Variants in DHRS7C observed in about 807,000 individuals in gnomAD.
DHRS7C encodes the protein dehydrogenase/reductase SDR family member 7C.
A neutral mutation model predicts 29.6 loss-of-function variants in DHRS7C; 28 were observed. The ratio of observed to expected loss-of-function variants is 0.95; its 90% CI spans 0.70 to 1.30. The LOEUF (loss-of-function observed/expected upper bound fraction) is 1.30, where lower values mean the gene tolerates loss of function less well. Ranked by LOEUF, DHRS7C falls within the 50% of genes most tolerant of loss-of-function variation. The pLI is 0.00. For synonymous variants in DHRS7C, 158 were observed against 160.2 expected (o/e 0.99, Z 0.10); for missense variants, 403 against 393.3 (o/e 1.02, Z -0.21).
At chr17:9,784,976 G>T (rs936885268) in intron 1 of DHRS7C, among the ~76,000 whole-genome samples, 1 of 152,220 alleles carries the variant, frequency 6.6e-6, no homozygotes, top group African/African-American at 2.4e-5. Flanking sequence ...ACGCTGGGTT[G>T]TGTGTTTATG....
chr17:9,779,830 G>C lies in DHRS7C; in HGVS notation c.473C>G (p.Thr158Arg), dbSNP rs768887176. The C allele has an allele frequency of 1.9e-6, 3 of 1,611,846 alleles. No individual in the cohort carries two copies. In the South Asian group the frequency reaches 3.3e-5, roughly 18 times the overall value. Reference sequence around the variant, plus strand: ...GAAAGTCAAACTCACGAGACCTTTCGTCAATGTGATGGGGCCAAAGTAATT... The same window carrying C: ...GAAAGTCAAACTCACGAGACCTTTCCTCAATGTGATGGGGCCAAAGTAATT... ...DANYFGPITL[T>R]KALLPNMISR... Residue 158 changes from threonine (T) to arginine (R), a missense_variant, in exon 3 of 6, where the codon ACG becomes AGG. Transcript: ENST00000571134.
At chr17:9,779,798 C>A in intron 3 of DHRS7C, 27 bp downstream of exon 3, 1 of 1,595,794 alleles carries the variant, frequency 6.3e-7, no homozygotes, top group Non-Finnish European at 8.5e-7. Flanking sequence ...GGCCCAGATA[C>A]CCATGGGAAA....
chr17:9,771,673 C>T lies in DHRS7C; in HGVS notation c.751G>A (p.Gly251Ser), dbSNP rs764829676. 7.2e-6 allele frequency: 11 copies of T among 1,522,838 alleles called. No homozygotes were observed. In the East Asian group the frequency reaches 2.0e-4, roughly 27 times the overall value. The allele number at this position is 1,522,838 out of a possible 1,614,324, so 94.3% of individuals were successfully genotyped here. The change falls in exon 6 of 6, where the codon GGC becomes AGC. Residue 251 changes from glycine to serine, a missense_variant. Transcript: ENST00000571134. ...TCCGCCACCTCTACTGGGTGCACGC[C>T]GTAGGTCAGCTTCCTGAAAAAGACT... ...WKFFFRKLTY[G>S]VHPVEVAEEV...
intron 1 of DHRS7C, among the ~76,000 whole-genome samples, chr17:9,785,695 AT>A (rs1419754801): frequency 6.6e-6 from 1 of 152,242 alleles, no homozygotes; most frequent in Non-Finnish European, 1.5e-5. Context: ...TGAAAGGCAC[AT>A]GAAAGTGCCC....
chr17:9,781,520 G>C lies in DHRS7C; in HGVS notation c.229C>G (p.Leu77Val). Reference sequence around the variant, plus strand: ...GCCACGCTGATCAAGGCATCATATAGGTTCTCTAGCCTCTCCCAGTTCTTT... The same window carrying C: ...GCCACGCTGATCAAGGCATCATATACGTTCTCTAGCCTCTCCCAGTTCTTT... Reference protein sequence around the residue: ...CGKNWERLENLYDALISVADP... With the variant: ...CGKNWERLENVYDALISVADP... The change falls in exon 2 of 6, where the codon CTA becomes GTA. Residue 77 changes from leucine to valine, a missense_variant. By Grantham distance (32) the Leu-to-Val change is conservative (BLOSUM62 1). Coordinates refer to ENST00000571134, the MANE Select transcript of DHRS7C (RefSeq NM_001105571.3). 1 of 1,614,006 alleles carries C rather than the reference G, an allele frequency of 6.2e-7. No homozygotes were observed. The highest frequency in any genetic ancestry group is 8.5e-7 in the Non-Finnish European group (1 of 1,179,890).
chr17:9,783,236 A>C (rs1407478258), intron 1 of DHRS7C, among the ~76,000 whole-genome samples: 1 of 152,180 alleles, frequency 6.6e-6, no homozygotes, highest in East Asian at 1.9e-4. Context: ...CCGAATCCAG[A>C]AGTAACTGGG....
intron 4 of DHRS7C, among the ~76,000 whole-genome samples, chr17:9,776,258 T>C (rs1170227563): frequency 6.6e-6 from 1 of 152,012 alleles, no homozygotes; most frequent in Non-Finnish European, 1.5e-5. Flanking sequence ...GCAACAGACA[T>C]GCACGTGCAC....
At chr17:9,783,686 C>G (rs1348936620) in intron 1 of DHRS7C, among the ~76,000 whole-genome samples, 1 of 152,168 alleles carries the variant, frequency 6.6e-6, no homozygotes, top group African/African-American at 2.4e-5. Context: ...AAAGTGGGAG[C>G]TGGGCGCGGT....
At position 9,774,108 on chromosome 17, in the gene DHRS7C, T is replaced by C. The variant is rs1219632037; in HGVS notation, c.572-1186A>G. Among the ~76,000 whole-genome samples the C allele has an allele frequency of 1.3e-5, 2 of 152,194 alleles. No homozygotes were observed. The highest frequency in any genetic ancestry group is 2.9e-5 in the Non-Finnish European group (2 of 68,036). On this transcript the variant is annotated intron_variant, in intron 4 of 5. Coordinates refer to ENST00000571134, the MANE Select transcript of DHRS7C (RefSeq NM_001105571.3). This position sits in a 1 kb window ranked among gnomAD's most constrained non-coding sequence, Gnocchi z 5.0. ...GTTACCAAAAAAAGGTCTACCAGCTTGTTTTTCATTCATCCACCATCTCCT... is the reference window on the plus strand; with the variant it reads ...GTTACCAAAAAAAGGTCTACCAGCTCGTTTTTCATTCATCCACCATCTCCT...
At position 9,783,171 on chromosome 17, in the gene DHRS7C, T is replaced by C. The variant is rs145830271; in HGVS notation, c.155-1577A>G. 4.4e-3 allele frequency among the ~76,000 whole-genome samples: 674 copies of C among 152,242 alleles called. 11 individuals are homozygous for C. Among genetic ancestry groups the C allele is most frequent in the African/African-American group, 0.016 (659 of 41,518 alleles). ...CTTAAAACAGGTGTACTGGGCATCC[T>C]GAGAGAGCTGGGAGGAGGGCTCTAG... On this transcript the variant is annotated intron_variant, in intron 1 of 5. Coordinates refer to ENST00000571134, the MANE Select transcript of DHRS7C (RefSeq NM_001105571.3).
chr17:9,786,060 C>T (rs369416567), intron 1 of DHRS7C, among the ~76,000 whole-genome samples: 3 of 151,832 alleles, frequency 2.0e-5, no homozygotes, highest in East Asian at 3.9e-4. Flanking sequence ...CGGTGGCTCA[C>T]GCCTGTAATC....
rs1340632821 is a variant in DHRS7C, at chr17:9,775,583, C to T, written c.571+1610G>A. On this transcript the variant is annotated intron_variant, in intron 4 of 5. Transcript: ENST00000571134. The surrounding 1 kb of genome is among the most constrained non-coding windows in gnomAD (Gnocchi z 4.2). ...AGCATGACCCTGGGCCCCTCAGTGA[C>T]CCTGTGGCATGGTGGCATCTGCTTG... 1.3e-5 allele frequency among the ~76,000 whole-genome samples: 2 copies of T among 152,166 alleles called. No individual in the cohort carries two copies. Among genetic ancestry groups the T allele is most frequent in the Non-Finnish European group, 2.9e-5 (2 of 68,044 alleles).
At chr17:9,772,051 T>A (rs72822105) in intron 5 of DHRS7C, among the ~76,000 whole-genome samples, 9,728 of 152,192 alleles carry the variant, frequency 0.064, 404 homozygotes, top group Non-Finnish European at 0.094. Context: ...GTCAGGAGCA[T>A]CCTGGAACCC....
At chr17:9,781,634 G>A in intron 1 of DHRS7C, 40 bp from the exon 2 acceptor site, 3 of 1,595,250 alleles carry the variant, frequency 1.9e-6, no homozygotes, top group Non-Finnish European at 2.6e-6. Flanking sequence ...ACACTGTGTG[G>A]ATGGAGCCAC....
intron 1 of DHRS7C, among the ~76,000 whole-genome samples, chr17:9,788,055 ACAAT>A (rs1263953424): frequency 6.6e-5 from 10 of 152,248 alleles, no homozygotes; most frequent in East Asian, 5.8e-4. Flanking sequence ...GGATGGAAAG[ACAAT>A]CAGTCTGATT....
Position 9,777,197 on chromosome 17 carries a change from C to A in DHRS7C, c.567G>T (p.Thr189=), listed in dbSNP as rs189185643. 4.3e-6 allele frequency: 7 copies of A among 1,612,170 alleles called. No individual in the cohort carries two copies. The highest frequency in any genetic ancestry group is 1.7e-4 in the Middle Eastern group (1 of 6,056). ...ATTTTTATCTTAGCAACTTACAAGT[C>A]GTACGGAACGGGATTCCAAACTTCC... The part of the protein sequence containing the change: ...IQGKFGIPFR[T]TYAASKHAAL... The change falls in exon 4 of 6, where the codon ACG becomes ACT. Residue 189 remains threonine (T), a synonymous_variant. Transcript: ENST00000571134.
At position 9,771,515 on chromosome 17, in the gene DHRS7C, C is replaced by A. The variant is rs2066327252; in HGVS notation, c.909G>T (p.Glu303Asp). 1 of 1,556,824 alleles carries A rather than the reference C, an allele frequency of 6.4e-7. No individual in the cohort carries two copies. Among genetic ancestry groups the A allele is most frequent in the Non-Finnish European group, 8.7e-7 (1 of 1,147,724 alleles). Residue 303 changes from glutamate (E) to aspartate (D), a missense_variant, in exon 6 of 6, where the codon GAG (glutamate) becomes GAT (aspartate). Coordinates refer to ENST00000571134, the MANE Select transcript of DHRS7C (RefSeq NM_001105571.3). Reference protein sequence around the residue: ...FFAVVACGVKEKLNVPEEG With the variant: ...FFAVVACGVKDKLNVPEEG Reference sequence around the variant, plus strand: ...ACCCCTCCTCCGGGACATTGAGCTTCTCCTTCACCCCACAGGCCACCACGG... The same window carrying A: ...ACCCCTCCTCCGGGACATTGAGCTTATCCTTCACCCCACAGGCCACCACGG...
Position 9,791,277 on chromosome 17 carries a change from A to G in DHRS7C, c.8T>C (p.Val3Ala), listed in dbSNP as rs1158271724. MG[V>A]MAMLMLPLLL... Reference sequence around the variant, plus strand: ...CAGGGGGAGCATCAGCATGGCCATGACTCCCATCTTGTTCTGGGGGACAAC... The same window carrying G: ...CAGGGGGAGCATCAGCATGGCCATGGCTCCCATCTTGTTCTGGGGGACAAC... Residue 3 changes from valine (V) to alanine (A), a missense_variant, in exon 1 of 6, where the codon GTC becomes GCC. By Grantham distance (64) the Val-to-Ala change is moderately conservative. Transcript: ENST00000571134. The G allele has an allele frequency of 1.9e-6, 3 of 1,613,428 alleles. No individual in the cohort carries two copies. The highest frequency in any genetic ancestry group is 2.5e-6 in the Non-Finnish European group (3 of 1,179,778).
At chr17:9,772,993 G>T (rs550507398) in intron 4 of DHRS7C, 71 bp from the exon 5 acceptor site, 14 of 1,565,424 alleles carry the variant, frequency 8.9e-6, no homozygotes, top group Non-Finnish European at 1.2e-5. Flanking sequence ...CGCATTGGAG[G>T]CAGGAGGGCC....
Sources: allele counts gnomAD v4.1 joint callset (sites outside exome capture counted in the v4.1 genomes callset), GRCh38; gene constraint gnomAD v4.1.1; non-coding constraint Gnocchi (gnomAD v3.1); transcripts MANE v1.5; gene names NCBI Gene and HGNC (gene_info 2026-07-23, HGNC 2026-07-21).